The following SMIM13 variants were observed in gnomAD, a reference collection of about 807,000 sequenced individuals.
SMIM13 encodes small integral membrane protein 13.
In SMIM13, 3 loss-of-function variants were observed where a neutral mutation model predicts 5.9. That is an observed-to-expected ratio of 0.51 (90% CI 0.23 to 1.31). The LOEUF is 1.31. SMIM13 is among the 40% of genes most tolerant of loss of function. SMIM13 has a pLI of 0.18. For synonymous variants in SMIM13, 55 were observed against 46.0 expected, an observed-to-expected ratio of 1.19 and a Z score of -0.79; for missense variants, 85 against 109.9, an observed-to-expected ratio of 0.77 and a Z score of 1.01.
At chr6:11,114,637 C>T (rs111723342) in intron 1 of SMIM13, among the ~76,000 whole-genome samples, 11,982 of 110,168 alleles carry the variant, frequency 0.11, 792 homozygotes, top group Middle Eastern at 0.36. Flanking sequence ...CTCACTCTGT[C>T]GCCCAGGCTG....
chr6:11,125,315 G>T (rs1320783149), intron 1 of SMIM13, among the ~76,000 whole-genome samples: 4 of 144,758 alleles, frequency 2.8e-5, no homozygotes, highest in Admixed American at 6.9e-5. Flanking sequence ...AAAAAAAAAG[G>T]CCTGGTGTGG....
chr6:11,129,385 T>A (rs1046550800), intron 1 of SMIM13, among the ~76,000 whole-genome samples: 1 of 152,224 alleles, frequency 6.6e-6, no homozygotes, highest in African/African-American at 2.4e-5. Context: ...CGGAATAGTA[T>A]TCTATTATGT....
chr6:11,129,078 C>G (rs377300386), intron 1 of SMIM13, among the ~76,000 whole-genome samples: 4,009 of 148,924 alleles, frequency 0.027, 65 homozygotes, highest in South Asian at 0.068. Context: ...CTACCGGGAG[C>G]GGGGGGGGGA....
rs1281544320 is a variant in SMIM13 at position 11,134,392 on chromosome 6, T to C, written c.77-11T>C. 1 of 1,547,224 alleles carries C rather than the reference T, an allele frequency of 6.5e-7. No individual in the cohort carries two copies. Among genetic ancestry groups the C allele is most frequent in the East Asian group, 2.4e-5 (1 of 40,886 alleles). ...AATAACTTTTCTTAATGTTTTTGTC[T>C]TTCTCTGTAGGTTGGTATTTTGTAT... On this transcript the variant is annotated splice_polypyrimidine_tract_variant and intron_variant, in intron 1 of 1. Transcript: ENST00000416247.
Position 11,094,495 on chromosome 6 carries a change from G to T in SMIM13, c.76+106G>T, listed in dbSNP as rs964543411. 19 of 873,142 alleles carry T rather than the reference G, an allele frequency of 2.2e-5. No homozygotes were observed. The African/African-American group carries it at 2.4e-4, about 11-fold the overall frequency. 54.1% of individuals were successfully genotyped at this position (873,142 alleles called of 1,614,324 possible). A position where few individuals can be genotyped will look rare whatever the true frequency, so the allele number is the denominator to read the frequency against. On this transcript the variant is annotated intron_variant, in intron 1 of 1. Transcript: ENST00000416247. ...TTGAAAAAAACAAAAGGGCGTGGAC[G>T]GACAATTGTCTTAAAATCAACTGTT...
rs547070916 is a variant in SMIM13, at chr6:11,134,232, A to C, written c.77-171A>C. Among the ~76,000 whole-genome samples the C allele has an allele frequency of 3.1e-4, 47 of 152,310 alleles. 1 individual carries two copies. In the Middle Eastern group the frequency reaches 0.01, roughly 33 times the overall value. On this transcript the variant is annotated intron_variant, in intron 1 of 1. Transcript: ENST00000416247. ...CTGTTTTTGTCATTACTGTAATCCC[A>C]GAGTTTATCCTCATTCCTTGTACAA... is the stretch of plus-strand genomic sequence containing the variant.
chr6:11,111,261 A>G (rs950763043), intron 1 of SMIM13, among the ~76,000 whole-genome samples: 1 of 152,176 alleles, frequency 6.6e-6, no homozygotes, highest in South Asian at 2.1e-4. Context: ...AGACAGACTT[A>G]CCCCCAAGGC....
chr6:11,104,421 G>C (rs760124620), intron 1 of SMIM13: 13 of 1,551,676 alleles, frequency 8.4e-6, no homozygotes, highest in African/African-American at 1.4e-5. Flanking sequence ...AATATAAAAG[G>C]CTCCTTGAGT....
chr6:11,101,337 A>G (rs905959105), intron 1 of SMIM13, among the ~76,000 whole-genome samples: 5 of 152,110 alleles, frequency 3.3e-5, no homozygotes, highest in Non-Finnish European at 4.4e-5. Flanking sequence ...AATGCAGTCA[A>G]CCTCTCTTAT....
At chr6:11,113,134 G>A (rs559182629) in intron 1 of SMIM13, among the ~76,000 whole-genome samples, 49 of 152,314 alleles carry the variant, frequency 3.2e-4, no homozygotes, top group Non-Finnish European at 5.9e-4. Flanking sequence ...AGTAGTATTA[G>A]TAGTTAGTAG....
intron 1 of SMIM13, among the ~76,000 whole-genome samples, chr6:11,121,580 C>T (rs1446850523): frequency 6.6e-6 from 1 of 152,176 alleles, no homozygotes; most frequent in East Asian, 1.9e-4. Flanking sequence ...CCTCCCAACA[C>T]ACACACCTGC....
chr6:11,116,740 A>G (rs925587256), intron 1 of SMIM13, among the ~76,000 whole-genome samples: 2 of 152,116 alleles, frequency 1.3e-5, no homozygotes, highest in African/African-American at 4.8e-5. Flanking sequence ...TGGCCTGACT[A>G]GAGGTTTATA....
At chr6:11,129,081 G>A (rs890824312) in intron 1 of SMIM13, among the ~76,000 whole-genome samples, 1 of 151,130 alleles carries the variant, frequency 6.6e-6, no homozygotes, top group Non-Finnish European at 1.5e-5. Flanking sequence ...CCGGGAGCGG[G>A]GGGGGGATGA....
intron 1 of SMIM13, among the ~76,000 whole-genome samples, chr6:11,123,084 GC>G (rs1473064456): frequency 6.6e-6 from 1 of 152,120 alleles, no homozygotes; most frequent in East Asian, 1.9e-4. Flanking sequence ...TCAGGGATAG[GC>G]CCTATATCCA....
At chr6:11,109,393 G>C (rs1758136737) in intron 1 of SMIM13, among the ~76,000 whole-genome samples, 1 of 152,178 alleles carries the variant, frequency 6.6e-6, no homozygotes, top group Non-Finnish European at 1.5e-5. Flanking sequence ...GTGGTGTCCA[G>C]AGGATGGCCC....
intron 1 of SMIM13, chr6:11,102,534 G>A (rs1455112002): frequency 6.6e-6 from 1 of 152,226 alleles, no homozygotes; most frequent in African/African-American, 2.4e-5. Flanking sequence ...TTCATGAACA[G>A]GCAGGGCCAA....
At chr6:11,115,787 C>A (rs138535597) in intron 1 of SMIM13, among the ~76,000 whole-genome samples, 2,243 of 150,968 alleles carry the variant, frequency 0.015, 44 homozygotes, top group African/African-American at 0.052. Flanking sequence ...TGGGTTCAAG[C>A]AATTCTCCTG....
chr6:11,114,758 C>T (rs562217343), intron 1 of SMIM13, among the ~76,000 whole-genome samples: 1 of 145,334 alleles, frequency 6.9e-6, no homozygotes, highest in African/African-American at 2.6e-5. Flanking sequence ...ACCACCACAC[C>T]CAGCTAATTT....
intron 1 of SMIM13, among the ~76,000 whole-genome samples, chr6:11,129,096 T>A (rs531664943): frequency 2.0e-5 from 3 of 151,682 alleles, no homozygotes; most frequent in African/African-American, 7.3e-5. Context: ...GGATGATCAC[T>A]GGAGGCTTCT....
Sources: allele counts gnomAD v4.1 joint callset (sites outside exome capture counted in the v4.1 genomes callset), GRCh38; gene constraint gnomAD v4.1.1; transcripts MANE v1.5; gene names NCBI Gene and HGNC (gene_info 2026-07-23, HGNC 2026-07-21).